The following NWD1 variants were observed in gnomAD, a reference collection of about 807,000 sequenced individuals.
NWD1 encodes NACHT domain- and WD repeat-containing protein 1.
NWD1 carries 129 observed loss-of-function variants against 135.1 expected under a neutral mutation model. That is an observed-to-expected ratio of 0.96 (90% confidence interval 0.83 to 1.11). The LOEUF (loss-of-function observed/expected upper bound fraction) is 1.11, where lower values mean the gene tolerates loss of function less well. NWD1 is among the 50% of genes least tolerant of loss of function. NWD1 has a pLI of 0.00. For missense variants in NWD1, 1,740 were observed against 1,851.3 expected (o/e 0.94, Z 1.10); for synonymous variants, 773 against 786.0 (o/e 0.98, Z 0.28).
intron 6 of NWD1, among the ~76,000 whole-genome samples, chr19:16,753,799 A>ATCCC (rs757356017): frequency 8.6e-5 from 13 of 150,860 alleles, no homozygotes; most frequent in Non-Finnish European, 1.5e-4. Context: ...CCATCCATCA[A>ATCCC]TCCCTCCCTC....
At chr19:16,749,037 C>A in intron 5 of NWD1, 102 bp from the exon 6 acceptor site, 1 of 860,326 alleles carries the variant, frequency 1.2e-6, no homozygotes, top group Non-Finnish European at 1.8e-6. Flanking sequence ...TCTTGAGAAC[C>A]AATGCACATC....
At chr19:16,751,047 ACT>A (rs781370278) in intron 6 of NWD1, among the ~76,000 whole-genome samples, 27 of 151,734 alleles carry the variant, frequency 1.8e-4, no homozygotes, top group Non-Finnish European at 3.4e-4. Flanking sequence ...ACATGGAGAA[ACT>A]CTGTCTCCAC....
intron 12 of NWD1, among the ~76,000 whole-genome samples, chr19:16,787,925 C>A (rs866158663): frequency 0.029 from 4,050 of 140,248 alleles, 77 homozygotes; most frequent in South Asian, 0.078. Context: ...TCATCATCAT[C>A]ATCATCATCA....
chr19:16,766,334 C>T (rs1320369677), intron 10 of NWD1, among the ~76,000 whole-genome samples: 3 of 152,060 alleles, frequency 2.0e-5, no homozygotes, highest in Non-Finnish European at 4.4e-5. Context: ...CCTGGGAGGT[C>T]GAGGCTGCAG....
chr19:16,784,973 C>T (rs938406847), intron 12 of NWD1, among the ~76,000 whole-genome samples: 2 of 151,502 alleles, frequency 1.3e-5, no homozygotes, highest in African/African-American at 2.4e-5. Context: ...ACAGCAGTCA[C>T]CAGGGGCCAC....
chr19:16,728,894 A>T (rs1024718801), intron 2 of NWD1, among the ~76,000 whole-genome samples: 2 of 147,846 alleles, frequency 1.4e-5, no homozygotes, highest in Non-Finnish European at 3.0e-5. Flanking sequence ...CAGCGAGCCG[A>T]GATCATGCCA....
At chr19:16,796,766 G>C (rs945408789) in intron 15 of NWD1, among the ~76,000 whole-genome samples, 2 of 151,620 alleles carry the variant, frequency 1.3e-5, no homozygotes, top group African/African-American at 4.9e-5. Flanking sequence ...GTTATCAAAG[G>C]CCTGCTGTGT....
At chr19:16,764,956 A>C in intron 9 of NWD1, 78 bp from the exon 10 acceptor site, 10 of 1,476,134 alleles carry the variant, frequency 6.8e-6, no homozygotes, top group Non-Finnish European at 9.3e-6. Flanking sequence ...GAGGAAATGG[A>C]GAGATGATTC....
At position 16,750,234 on chromosome 19, in the gene NWD1, G is replaced by A; in HGVS notation, c.1592G>A (p.Gly531Glu). ...DLLWASLPEC[G>E]NPGRLRLAFE... ...CTCTGGGCCAGCCTCCCAGAGTGTG[G>A]GAACCCAGGGCGGCTGAGGCTGGCG... Residue 531 changes from glycine (G) to glutamate (E), a missense_variant, in exon 6 of 19, where the codon GGG (glycine) becomes GAG (glutamate). Gly to Glu is a moderately conservative substitution (Grantham distance 98). Coordinates refer to ENST00000524140, the MANE Select transcript of NWD1 (RefSeq NM_001007525.5). 6.2e-7 allele frequency: 1 copy of A among 1,613,598 alleles called. No homozygotes were observed. Among genetic ancestry groups the A allele is most frequent in the South Asian group, 1.1e-5 (1 of 91,072 alleles).
At chr19:16,783,521 C>T (rs1969933559) in intron 12 of NWD1, among the ~76,000 whole-genome samples, 1 of 151,978 alleles carries the variant, frequency 6.6e-6, no homozygotes, top group South Asian at 2.1e-4. Context: ...GTAATCCCAG[C>T]TACTCGGGAG....
chr19:16,741,977 G>T (rs1316979973), intron 4 of NWD1, among the ~76,000 whole-genome samples: 1 of 152,038 alleles, frequency 6.6e-6, no homozygotes, highest in Non-Finnish European at 1.5e-5. Context: ...CGGGTGTGGT[G>T]GTGGGCGCCT....
In NWD1 at chr19:16,809,477, C is replaced by T. The variant is rs113156279; in HGVS notation, c.4287+1341C>T. Among the ~76,000 whole-genome samples the T allele has an allele frequency of 4.4e-3, 672 of 151,922 alleles. 3 individuals are homozygous for T. Among genetic ancestry groups the T allele is most frequent in the African/African-American group, 0.015 (608 of 41,440 alleles). Reference sequence around the variant, plus strand: ...TTATAGGTAAAAACTGGATCAAATCCTGCACTGGCTTAGTGCTGCTTCACT... The same window carrying T: ...TTATAGGTAAAAACTGGATCAAATCTTGCACTGGCTTAGTGCTGCTTCACT... On this transcript the variant is annotated intron_variant, in intron 18 of 18. Coordinates refer to ENST00000524140, the MANE Select transcript of NWD1 (RefSeq NM_001007525.5).
In NWD1 at chr19:16,815,381, C is replaced by T. The variant is rs1235989603; in HGVS notation, c.*342C>T. 1 of 659,840 alleles carries T rather than the reference C, an allele frequency of 1.5e-6. No homozygotes were observed. The highest frequency in any genetic ancestry group is 2.7e-5 in the Admixed American group (1 of 37,708). 40.9% of individuals were successfully genotyped at this position (659,840 alleles called of 1,614,324 possible). On this transcript the variant is annotated 3_prime_UTR_variant, in exon 19 of 19. Coordinates refer to ENST00000524140, the MANE Select transcript of NWD1 (RefSeq NM_001007525.5). ...GGGGTATGGGGCTCCAGTGAGTTAG[C>T]CCCATTTAATCTAGTTAAAGCAAAA...
intron 5 of NWD1, among the ~76,000 whole-genome samples, chr19:16,746,973 C>A (rs1968347141): frequency 6.6e-6 from 1 of 151,610 alleles, no homozygotes; most frequent in African/African-American, 2.4e-5. Context: ...CCATGTTCTT[C>A]AATGGCCAAC....
chr19:16,765,344 T>C (rs1320803191), intron 10 of NWD1, 152 bp downstream of exon 10: 5 of 776,934 alleles, frequency 6.4e-6, no homozygotes, highest in Non-Finnish European at 9.8e-6. Flanking sequence ...GCTTCTAGAA[T>C]TTTTTTTGAC....
chr19:16,730,143 GAAACCCCATCTCTACTA>G (rs980672752), intron 2 of NWD1, among the ~76,000 whole-genome samples: 1 of 151,766 alleles, frequency 6.6e-6, no homozygotes, highest in African/African-American at 2.4e-5. Flanking sequence ...CCAACATGAT[GAAACCCCATCTCTACTA>G]AAACACAAAA....
At chr19:16,728,893 G>T (rs571360991) in intron 2 of NWD1, among the ~76,000 whole-genome samples, 2 of 145,200 alleles carry the variant, frequency 1.4e-5, no homozygotes, top group Non-Finnish European at 3.0e-5. Flanking sequence ...GCAGCGAGCC[G>T]AGATCATGCC....
intron 8 of NWD1, among the ~76,000 whole-genome samples, chr19:16,762,430 G>A (rs1358320829): frequency 1.3e-5 from 2 of 150,654 alleles, no homozygotes; most frequent in Non-Finnish European, 2.9e-5. Context: ...CCAAGTAGCT[G>A]GGATTACAGG....
At chr19:16,758,512 A>T (rs1968881384) in intron 6 of NWD1, among the ~76,000 whole-genome samples, 1 of 152,104 alleles carries the variant, frequency 6.6e-6, no homozygotes, top group Admixed American at 6.6e-5. Context: ...TCTGGCCTCG[A>T]GCAGTCCTCC....
Sources: allele counts gnomAD v4.1 joint callset (sites outside exome capture counted in the v4.1 genomes callset), GRCh38; gene constraint gnomAD v4.1.1; transcripts MANE v1.5; gene names NCBI Gene and HGNC (gene_info 2026-07-23, HGNC 2026-07-21).